The following PLD5 variants were observed in gnomAD, a reference collection of about 807,000 sequenced individuals.
PLD5 encodes the protein phospholipase D family member 5.
PLD5 carries 36 observed loss-of-function variants against 61.1 expected under a neutral mutation model. The observed-to-expected ratio is 0.59, with a 90% CI of 0.45 to 0.78. The LOEUF is 0.78. Ranked by LOEUF, PLD5 falls within the 30% of genes least tolerant of loss-of-function variation. PLD5 has a pLI of 0.00. For missense variants in PLD5, 515 were observed against 644.4 expected, an observed-to-expected ratio of 0.80 and a Z score of 2.17; for synonymous variants, 243 against 242.8, an observed-to-expected ratio of 1.00 and a Z score of -0.01.
At chr1:242,336,678 G>A (rs555032109) in intron 2 of PLD5, among the ~76,000 whole-genome samples, 2 of 152,228 alleles carry the variant, frequency 1.3e-5, no homozygotes, top group South Asian at 4.2e-4. Flanking sequence ...AGGGGACACA[G>A]GGCCTGCATT....
chr1:242,466,484 T>C lies in PLD5; in HGVS notation c.189+57604A>G, dbSNP rs114062725. Among the ~76,000 whole-genome samples the C allele has an allele frequency of 8.3e-3, 1,270 of 152,236 alleles. 20 individuals carry two copies. The highest frequency in any genetic ancestry group is 0.028 in the African/African-American group (1,173 of 41,530). The stretch of plus-strand genomic sequence containing the variant: ...TACACAAAGGAATGCTATTCAGCCT[T>C]AAAAAAGAAGGAAATTCTTGTCATT... On this transcript the variant is annotated intron_variant, in intron 1 of 9. Coordinates refer to ENST00000536534, the MANE Select transcript of PLD5 (RefSeq NM_001372062.1).
At chr1:242,270,787 G>A (rs1439509899) in intron 3 of PLD5, among the ~76,000 whole-genome samples, 1 of 152,178 alleles carries the variant, frequency 6.6e-6, no homozygotes, top group East Asian at 1.9e-4. Context: ...TGAGGGGAGA[G>A]GCCTCCTTTG....
chr1:242,229,600 A>C (rs1194334590), intron 4 of PLD5, among the ~76,000 whole-genome samples: 3 of 152,182 alleles, frequency 2.0e-5, no homozygotes, highest in African/African-American at 7.2e-5. Flanking sequence ...GATCTTCTCT[A>C]AGCATTTTGT....
intron 1 of PLD5, among the ~76,000 whole-genome samples, chr1:242,445,165 T>C (rs1666470773): frequency 6.6e-6 from 1 of 152,118 alleles, no homozygotes. Context: ...CCATCACTAA[T>C]CAGATTAGTG....
intron 1 of PLD5, among the ~76,000 whole-genome samples, chr1:242,497,771 T>C (rs907114189): frequency 6.6e-6 from 1 of 152,194 alleles, no homozygotes; most frequent in Non-Finnish European, 1.5e-5. Context: ...TGTCTCTTCA[T>C]TCAAGAATCA....
At chr1:242,504,157 T>C (rs1383962848) in intron 1 of PLD5, among the ~76,000 whole-genome samples, 1 of 152,170 alleles carries the variant, frequency 6.6e-6, no homozygotes, top group African/African-American at 2.4e-5. Context: ...CTCTTTGGGA[T>C]ATAGAATAAA....
At chr1:242,163,137 CTTTTCTTTTCTTTCTTTTCTT>C (rs1412559189) in intron 5 of PLD5, among the ~76,000 whole-genome samples, 12 of 130,670 alleles carry the variant, frequency 9.2e-5, no homozygotes, top group Admixed American at 6.1e-4. Context: ...CTTTTATTTT[CTTTTCTTTTCTTTCTTTTCTT>C]GAGACGACGG....
chr1:242,463,474 C>T (rs1667182052), intron 1 of PLD5, among the ~76,000 whole-genome samples: 1 of 152,190 alleles, frequency 6.6e-6, no homozygotes, highest in Non-Finnish European at 1.5e-5. Flanking sequence ...TCCATTCATT[C>T]ATCCAGTCTC....
chr1:242,130,928 T>C lies in PLD5; in HGVS notation c.736-6263A>G, dbSNP rs138268714. Among the ~76,000 whole-genome samples, 190 of 152,264 alleles carry C rather than the reference T, an allele frequency of 1.2e-3. 1 individual carries two copies. The highest frequency in any genetic ancestry group is 4.2e-3 in the African/African-American group (175 of 41,554). On this transcript the variant is annotated intron_variant, in intron 5 of 9. Transcript: ENST00000536534. ...GGGCATATTGTTAGTGATGAACCCA[T>C]GGAGCTGAGAGAGGCTTAATTAAGG... is the stretch of plus-strand genomic sequence containing the variant.
Position 242,089,774 on chromosome 1 carries a change from A to AAT in PLD5, c.*79_*80insAT. 1.3e-6 allele frequency: 2 copies of AAT among 1,553,222 alleles called. No homozygotes were observed. Among genetic ancestry groups the AAT allele is most frequent in the Non-Finnish European group, 1.8e-6 (2 of 1,137,056 alleles). The stretch of plus-strand genomic sequence containing the variant: ...GCTTTTTCCCTAAAAAAAGAGACAT[A>AAT]TTAAAGTGTTTTTTCTCTCCTCAAG... On this transcript the variant is annotated 3_prime_UTR_variant, in exon 10 of 10. Transcript: ENST00000536534.
At chr1:242,207,601 CT>C (rs1362016484) in intron 5 of PLD5, among the ~76,000 whole-genome samples, 1 of 151,384 alleles carries the variant, frequency 6.6e-6, no homozygotes, top group Admixed American at 6.6e-5. Flanking sequence ...GAATACTTTT[CT>C]TTTTTTCCCA....
chr1:242,250,464 T>C (rs1672639575), intron 4 of PLD5, among the ~76,000 whole-genome samples: 1 of 152,124 alleles, frequency 6.6e-6, no homozygotes, highest in African/African-American at 2.4e-5. Flanking sequence ...TGGGGAAACC[T>C]TGATGAGAAC....
intron 1 of PLD5, among the ~76,000 whole-genome samples, chr1:242,441,143 G>A (rs560296978): frequency 6.6e-6 from 1 of 152,308 alleles, no homozygotes; most frequent in African/African-American, 2.4e-5. Flanking sequence ...CAACAAATAT[G>A]TAATGTGCCA....
At chr1:242,188,590 G>A (rs551607519) in intron 5 of PLD5, 6 of 145,062 alleles carry the variant, frequency 4.1e-5, no homozygotes, top group African/African-American at 1.4e-4. Context: ...CCACAGCTGG[G>A]TGGTCTCCGA....
At chr1:242,418,122 T>C (rs1167380717) in intron 1 of PLD5, among the ~76,000 whole-genome samples, 1 of 152,166 alleles carries the variant, frequency 6.6e-6, no homozygotes, top group Non-Finnish European at 1.5e-5. Context: ...GGCCAGATTC[T>C]GAATATATTT....
At chr1:242,418,790 G>A (rs73133728) in intron 1 of PLD5, among the ~76,000 whole-genome samples, 5,698 of 152,242 alleles carry the variant, frequency 0.037, 385 homozygotes, top group African/African-American at 0.13. Context: ...GCTCCTTCCA[G>A]CAACACTTCT....
intron 5 of PLD5, among the ~76,000 whole-genome samples, chr1:242,169,736 G>A (rs1329841464): frequency 6.6e-6 from 1 of 152,228 alleles, no homozygotes; most frequent in Non-Finnish European, 1.5e-5. Context: ...GGATACTCCA[G>A]CTTCGTTGTG....
At position 242,136,514 on chromosome 1, in the gene PLD5, C is replaced by T. The variant is rs1663744620; in HGVS notation, c.736-11849G>A. Among the ~76,000 whole-genome samples the T allele has an allele frequency of 2.6e-5, 4 of 152,250 alleles. No homozygotes were observed. In the South Asian group the frequency reaches 8.3e-4, roughly 32 times the overall value. On this transcript the variant is annotated intron_variant, in intron 5 of 9. Transcript: ENST00000536534. ...TTGAGAAATTGATATTCTAACCTCACAGTATGGGCATGAATATGGAAATAC... is the reference window on the plus strand; with the variant it reads ...TTGAGAAATTGATATTCTAACCTCATAGTATGGGCATGAATATGGAAATAC...
chr1:242,526,712 A>AT (rs1217099737), upstream of PLD5, among the ~76,000 whole-genome samples: 4 of 152,020 alleles, frequency 2.6e-5, no homozygotes, highest in African/African-American at 7.3e-5. Flanking sequence ...GCACGATCTG[A>AT]TTTTTTTATT....
Sources: gnomAD v4.1 joint callset for allele counts (sites outside exome capture counted in the v4.1 genomes callset) on GRCh38, gnomAD v4.1.1 for gene constraint, MANE v1.5 for transcripts, NCBI Gene and HGNC (gene_info 2026-07-23, HGNC 2026-07-21) for gene names.